EIF4E3: variants seen among roughly 807,000 people sequenced by gnomAD.
The protein encoded by EIF4E3 is eukaryotic translation initiation factor 4E type 3.
Under a neutral mutation model 31.7 loss-of-function variants are expected in EIF4E3, and 26 were observed. The ratio of observed to expected loss-of-function variants is 0.82; its 90% CI spans 0.60 to 1.14. EIF4E3 has a LOEUF of 1.14. Ranked by LOEUF, EIF4E3 falls within the 50% of genes most tolerant of loss-of-function variation. EIF4E3 has a pLI of 0.00. For missense variants in EIF4E3, 304 were observed against 270.9 expected (o/e 1.12, Z -0.86); for synonymous variants, 128 against 107.7 (o/e 1.19, Z -1.17).
intron 3 of EIF4E3, among the ~76,000 whole-genome samples, chr3:71,696,997 C>A (rs551080887): frequency 8.6e-5 from 13 of 151,528 alleles, no homozygotes; most frequent in Admixed American, 1.3e-4. Context: ...GGATTACAGA[C>A]GTAAGCCACC....
intron 5 of EIF4E3, 131 bp downstream of exon 5, chr3:71,693,744 C>T (rs2049094967): frequency 1.2e-6 from 1 of 852,822 alleles, no homozygotes; most frequent in Middle Eastern, 3.2e-4. Flanking sequence ...AATTGAGTAA[C>T]TTTGTAGTTC....
chr3:71,671,588 G>A (rs184678336), downstream of EIF4E3, among the ~76,000 whole-genome samples: 84 of 152,314 alleles, frequency 5.5e-4, 1 homozygote, highest in Admixed American at 1.8e-3. Flanking sequence ...AGAAATGAGA[G>A]ATGGGCCCGT....
At chr3:71,698,405 G>A (rs1483754917) in intron 3 of EIF4E3, among the ~76,000 whole-genome samples, 2 of 152,164 alleles carry the variant, frequency 1.3e-5, no homozygotes, top group Non-Finnish European at 2.9e-5. Context: ...TATCAACCAT[G>A]TATCAAGGCC....
chr3:71,670,449 T>C (rs1428707327), downstream of EIF4E3, among the ~76,000 whole-genome samples: 2 of 152,286 alleles, frequency 1.3e-5, no homozygotes, highest in South Asian at 2.1e-4. Flanking sequence ...ACGGCCCTCG[T>C]CTCAGCCCCA....
intron 2 of EIF4E3, among the ~76,000 whole-genome samples, chr3:71,700,240 G>A (rs2049196645): frequency 6.6e-6 from 1 of 152,076 alleles, no homozygotes; most frequent in Non-Finnish European, 1.5e-5. Flanking sequence ...GCTGTGCCAA[G>A]CTCTATGTTT....
At chr3:71,736,987 A>G (rs2049770483) in intron 1 of EIF4E3, among the ~76,000 whole-genome samples, 1 of 152,252 alleles carries the variant, frequency 6.6e-6, no homozygotes, top group African/African-American at 2.4e-5. Context: ...AAAGTCTATT[A>G]AAGAAAAATA....
chr3:71,676,091 C>T lies in EIF4E3; in HGVS notation c.*8591G>A, dbSNP rs950406788. ...TATTATAGCTATGGACAGAGCCACA[C>T]ACTACAGCAAAAGCACATTAAATTC... is the stretch of plus-strand genomic sequence containing the variant. On this transcript the variant is annotated 3_prime_UTR_variant, in exon 7 of 7. Coordinates refer to ENST00000425534, the MANE Select transcript of EIF4E3 (RefSeq NM_001134651.2). The T allele has an allele frequency of 2.0e-5, 3 of 152,244 alleles. No homozygotes were observed. The highest frequency in any genetic ancestry group is 7.2e-5 in the African/African-American group (3 of 41,466). The allele number at this position is 152,244 out of a possible 1,614,324, so 9.4% of individuals were successfully genotyped here. A position where few individuals can be genotyped will look rare whatever the true frequency, so the allele number is the denominator to read the frequency against.
intron 3 of EIF4E3, among the ~76,000 whole-genome samples, chr3:71,699,234 A>G (rs1343739289): frequency 2.0e-5 from 3 of 152,180 alleles, no homozygotes; most frequent in Admixed American, 6.5e-5. Context: ...CTCAAAAAAA[A>G]GAAACCAACC....
chr3:71,732,687 C>G (rs1337759590), intron 1 of EIF4E3, among the ~76,000 whole-genome samples: 1 of 152,216 alleles, frequency 6.6e-6, no homozygotes, highest in African/African-American at 2.4e-5. Flanking sequence ...TAGCTTACAT[C>G]AGAAACTGGA....
rs570991010 is a variant in EIF4E3, at chr3:71,725,128, C to G, written c.176+64G>C. The stretch of plus-strand genomic sequence containing the variant: ...GCCGGGGCGAGGGGCCGCGCCGAGA[C>G]AAAGCGGCGGTGGCGGCAGGACCCG... On this transcript the variant is annotated intron_variant, in intron 1 of 6. Transcript: ENST00000425534. This position sits in a 1 kb window ranked among gnomAD's most constrained non-coding sequence, Gnocchi z 6.1. 2.8e-4 allele frequency: 282 copies of G among 1,017,558 alleles called. 3 individuals are homozygous for G. In the African/African-American group the frequency reaches 4.6e-3, roughly 17 times the overall value. 63.0% of individuals were successfully genotyped at this position (1,017,558 alleles called of 1,614,324 possible).
In EIF4E3 at chr3:71,682,126, T is replaced by A. The variant is rs2048931469; in HGVS notation, c.*2556A>T. 1 of 152,212 alleles carries A rather than the reference T, an allele frequency of 6.6e-6. No individual in the cohort carries two copies. Among genetic ancestry groups the A allele is most frequent in the South Asian group, 2.1e-4 (1 of 4,832 alleles). 9.4% of individuals were successfully genotyped at this position (152,212 alleles called of 1,614,324 possible). ...ATTATTTGTCCTTACTTTCCCAATG[T>A]AGGCAAGTGCCTGTGATATAACAAT... On this transcript the variant is annotated 3_prime_UTR_variant, in exon 7 of 7. Transcript: ENST00000425534.
chr3:71,689,108 C>G (rs375693335), intron 6 of EIF4E3, among the ~76,000 whole-genome samples: 30 of 152,204 alleles, frequency 2.0e-4, no homozygotes, highest in African/African-American at 7.2e-4. Context: ...TTGAAGACCT[C>G]TGGTACCAAT....
rs550421671 is a variant in EIF4E3, at chr3:71,694,967, T to C, written c.406-1026A>G. Among the ~76,000 whole-genome samples the C allele has an allele frequency of 1.6e-3, 238 of 152,346 alleles. No individual in the cohort carries two copies. The South Asian group carries it at 0.018, about 11-fold the overall frequency. ...GCTCAATACATATTAACTATAATAA[T>C]AGTGTGTATTATTATGTCCTCACAA... On this transcript the variant is annotated intron_variant, in intron 4 of 6. Coordinates refer to ENST00000425534, the MANE Select transcript of EIF4E3 (RefSeq NM_001134651.2).
chr3:71,704,279 G>A, intron 2 of EIF4E3, among the ~76,000 whole-genome samples: 1 of 152,294 alleles, frequency 6.6e-6, no homozygotes, highest in East Asian at 1.9e-4. Flanking sequence ...AGGACAGTGG[G>A]GTTAAAACCC....
chr3:71,671,148 C>T (rs938754963), downstream of EIF4E3, among the ~76,000 whole-genome samples: 2 of 152,112 alleles, frequency 1.3e-5, no homozygotes, highest in African/African-American at 4.8e-5. Flanking sequence ...TGGCCATACA[C>T]ACTATGCGTG....
intron 1 of EIF4E3, among the ~76,000 whole-genome samples, chr3:71,723,329 G>A (rs575560176): frequency 4.6e-5 from 7 of 152,202 alleles, no homozygotes; most frequent in South Asian, 4.2e-4. Context: ...TTGTTTGATC[G>A]GGCAAAATGA....
At chr3:71,689,007 T>C (rs971279977) in intron 6 of EIF4E3, among the ~76,000 whole-genome samples, 2 of 152,190 alleles carry the variant, frequency 1.3e-5, no homozygotes, top group Non-Finnish European at 2.9e-5. Context: ...TTTTTTATCC[T>C]TTTTTGGCAA....
intron 1 of EIF4E3, among the ~76,000 whole-genome samples, chr3:71,745,347 A>G (rs1578391886): frequency 6.6e-6 from 1 of 152,352 alleles, no homozygotes; most frequent in South Asian, 2.1e-4. Context: ...AACTCGTTGC[A>G]TAATAGGTAA....
chr3:71,741,442 T>C (rs2049820362), intron 1 of EIF4E3, among the ~76,000 whole-genome samples: 1 of 152,182 alleles, frequency 6.6e-6, no homozygotes, highest in Non-Finnish European at 1.5e-5. Context: ...ATTAGTAATA[T>C]AAATGAGTCA....
Sources: allele counts gnomAD v4.1 joint callset (sites outside exome capture counted in the v4.1 genomes callset), GRCh38; gene constraint gnomAD v4.1.1; non-coding constraint Gnocchi (gnomAD v3.1); transcripts MANE v1.5; gene names NCBI Gene and HGNC (gene_info 2026-07-23, HGNC 2026-07-21).